Variants in MYBPC3 observed in about 807,000 individuals in gnomAD.
The protein encoded by MYBPC3 is myosin binding protein C3.
In MYBPC3, 108 loss-of-function variants were observed where a neutral mutation model predicts 159.3. The observed-to-expected ratio is 0.68, with a 90% CI of 0.58 to 0.80. The LOEUF (loss-of-function observed/expected upper bound fraction) is 0.80, where lower values mean the gene tolerates loss of function less well. Ranked by LOEUF, MYBPC3 falls within the 30% of genes least tolerant of loss-of-function variation. The pLI, the probability that MYBPC3 is intolerant of heterozygous loss-of-function variation, is 0.00. For missense variants in MYBPC3, 1,631 were observed against 1,762.1 expected (o/e 0.93, Z 1.33); for synonymous variants, 730 against 702.0 (o/e 1.04, Z -0.63).
rs1385404452 is a variant in MYBPC3 at position 47,346,696 on chromosome 11, G to A, written c.909-52C>T. 1 of 1,554,156 alleles carries A rather than the reference G, an allele frequency of 6.4e-7. No homozygotes were observed. Among genetic ancestry groups the A allele is most frequent in the Admixed American group, 1.9e-5 (1 of 51,914 alleles). On this transcript the variant is annotated intron_variant, in intron 10 of 34. Coordinates refer to ENST00000545968, the MANE Select transcript of MYBPC3 (RefSeq NM_000256.3). The surrounding 1 kb of genome is among the most constrained non-coding windows in gnomAD (Gnocchi z 5.3). ...AGGGTAGGTGGCACATGAGAGGTAT[G>A]GCCACCTTCCCTCAAAGACCTGGAC... is the stretch of plus-strand genomic sequence containing the variant.
At chr11:47,350,259 G>A in intron 3 of MYBPC3, 147 bp from the exon 4 acceptor site, 1 of 1,175,032 alleles carries the variant, frequency 8.5e-7, no homozygotes, top group Non-Finnish European at 1.2e-6. Flanking sequence ...AAGTTAGCTG[G>A]GACCGCAGGT....
chr11:47,337,535 G>A lies in MYBPC3; in HGVS notation c.2458C>T (p.Arg820Trp), dbSNP rs775404728. 3.7e-6 allele frequency: 6 copies of A among 1,613,964 alleles called. No individual in the cohort carries two copies. Among genetic ancestry groups the A allele is most frequent in the Admixed American group, 1.7e-5 (1 of 60,016 alleles). Residue 820 changes from arginine to tryptophan, a missense_variant, in exon 25 of 35, where the codon CGG becomes TGG. Coordinates refer to ENST00000545968, the MANE Select transcript of MYBPC3 (RefSeq NM_000256.3). ...TCCTGAATCAGGTCGAAGTTCAGCC[G>A]CATCCACCGGTAGCTCTTCTTCTTC... ...RKKKKSYRWMRLNFDLIQELS... is the reference protein window; with the variant it reads ...RKKKKSYRWMWLNFDLIQELS...
chr11:47,348,286 G>T, intron 6 of MYBPC3, 138 bp downstream of exon 6: 1 of 677,236 alleles, frequency 1.5e-6, no homozygotes, highest in Non-Finnish European at 2.5e-6. Flanking sequence ...CTCACACCCT[G>T]TGTGTGCAGC....
chr11:47,333,336 G>A lies in MYBPC3; in HGVS notation c.3191-3C>T, dbSNP rs1064793891. On this transcript the variant is annotated splice_region_variant and splice_polypyrimidine_tract_variant and intron_variant, in intron 29 of 34. Transcript: ENST00000545968. ...ATCCTGGGGAGGACTTGGCTTGTCT[G>A]CGGGAGACAGACCCAGTTGGGTCAC... The A allele has an allele frequency of 6.4e-7, 1 of 1,565,346 alleles. No individual in the cohort carries two copies. The highest frequency in any genetic ancestry group is 1.2e-5 in the South Asian group (1 of 85,290).
At position 47,347,644 on chromosome 11, in the gene MYBPC3, G is replaced by A; in HGVS notation, c.851+7C>T. On this transcript the variant is annotated splice_region_variant and intron_variant, in intron 8 of 34. Transcript: ENST00000545968. ...GATGGTGCAGGTAGGGCCTGGGGCA[G>A]GGGTACCTGATCCGCCGACCACCTC... is the stretch of plus-strand genomic sequence containing the variant. 6.4e-7 allele frequency: 1 copy of A among 1,574,510 alleles called. No individual in the cohort carries two copies. Among genetic ancestry groups the A allele is most frequent in the Non-Finnish European group, 8.6e-7 (1 of 1,160,128 alleles).
At chr11:47,344,675 T>C (rs542142386) in intron 12 of MYBPC3, among the ~76,000 whole-genome samples, 1 of 152,356 alleles carries the variant, frequency 6.6e-6, no homozygotes, top group East Asian at 1.9e-4. Flanking sequence ...CCTTAAACCC[T>C]CTGTGCCTCG....
At chr11:47,334,856 C>A (rs1473063632) in intron 27 of MYBPC3, among the ~76,000 whole-genome samples, 186 bp downstream of exon 27, 1 of 152,210 alleles carries the variant, frequency 6.6e-6, no homozygotes, top group African/African-American at 2.4e-5. Flanking sequence ...AGCCACTGTG[C>A]CTGGCCACCC....
intron 25 of MYBPC3, among the ~76,000 whole-genome samples, 161 bp from the exon 26 acceptor site, chr11:47,336,172 T>C (rs1025048724): frequency 6.6e-6 from 1 of 152,082 alleles, no homozygotes; most frequent in Non-Finnish European, 1.5e-5. Flanking sequence ...ACAAGACATG[T>C]CTGTAGATTG....
At chr11:47,350,760 G>A in intron 2 of MYBPC3, 145 bp from the exon 3 acceptor site, 1 of 1,294,090 alleles carries the variant, frequency 7.7e-7, no homozygotes, top group East Asian at 3.0e-5. Context: ...GCCCCTCAGA[G>A]GCAGCTCATG....
At chr11:47,344,671 A>G (rs1024832248) in intron 12 of MYBPC3, among the ~76,000 whole-genome samples, 6 of 151,626 alleles carry the variant, frequency 4.0e-5, no homozygotes, top group African/African-American at 1.5e-4. Context: ...AGTTCCTTAA[A>G]CCCTCTGTGC....
intron 7 of MYBPC3, 78 bp from the exon 8 acceptor site, chr11:47,347,758 G>GCC (rs2095895823): frequency 8.4e-6 from 13 of 1,546,148 alleles, no homozygotes; most frequent in Non-Finnish European, 1.0e-5. Context: ...CTTCAGCTCC[G>GCC]CCCCGCAAAT....
At chr11:47,335,713 T>C (rs970793398) in intron 26 of MYBPC3, 164 bp downstream of exon 26, 4 of 583,086 alleles carry the variant, frequency 6.9e-6, no homozygotes, top group South Asian at 3.3e-5. Flanking sequence ...TGTTTTTCAC[T>C]AGGCAAGCTT....
Position 47,347,661 on chromosome 11 carries a change from G to A in MYBPC3, c.841C>T (p.Arg281Trp), listed in dbSNP as rs371711564. 15 of 1,574,358 alleles carry A rather than the reference G, an allele frequency of 9.5e-6. No homozygotes were observed. The highest frequency in any genetic ancestry group is 1.8e-4 in the Middle Eastern group (1 of 5,692). ...FRRTSLAGGG[R>W]RISDSHEDTG... is the part of the protein sequence containing the mutation. ...CTGGGGCAGGGGTACCTGATCCGCC[G>A]ACCACCTCCAGCCAGGCTCCTGTGG... The change falls in exon 8 of 35, where the codon CGG becomes TGG. Residue 281 changes from arginine (R) to tryptophan (W), a missense_variant. Transcript: ENST00000545968.
intron 26 of MYBPC3, 148 bp from the exon 27 acceptor site, chr11:47,335,357 C>T (rs758983164): frequency 1.5e-5 from 11 of 749,302 alleles, no homozygotes; most frequent in Middle Eastern, 4.1e-4. Context: ...GATGGAGTTT[C>T]GCTCTTGTCT....
rs371889003 is a variant in MYBPC3 at position 47,337,676 on chromosome 11, G to A, written c.2413+14C>T. ...TGGCGCCCTCACACCTCCATCCGGTGCCCTTGCACTCACCCAGGATGGGCT... is the reference window on the plus strand; with the variant it reads ...TGGCGCCCTCACACCTCCATCCGGTACCCTTGCACTCACCCAGGATGGGCT... On this transcript the variant is annotated intron_variant, in intron 24 of 34. Coordinates refer to ENST00000545968, the MANE Select transcript of MYBPC3 (RefSeq NM_000256.3). 12 of 1,592,112 alleles carry A rather than the reference G, an allele frequency of 7.5e-6. No homozygotes were observed. In the African/African-American group the frequency reaches 1.5e-4, roughly 20 times the overall value.
Position 47,342,148 on chromosome 11 carries a change from G to T in MYBPC3, c.1633C>A (p.Leu545Met), listed in dbSNP as rs377163678. ...LAELIVQEKK[L>M]EVYQSIADLM... ...TCTGCGATGCTCTGGTACACCTCCA[G>T]CTTCTTTTCTGCAGGGCAGGGCAGA... The change falls in exon 18 of 35, where the codon CTG (leucine) becomes ATG (methionine). Residue 545 changes from leucine to methionine, a missense_variant. Coordinates refer to ENST00000545968, the MANE Select transcript of MYBPC3 (RefSeq NM_000256.3). 35 of 1,613,870 alleles carry T rather than the reference G, an allele frequency of 2.2e-5. No homozygotes were observed. In the African/African-American group the frequency reaches 4.1e-4, roughly 19 times the overall value.
chr11:47,331,853 C>T lies in MYBPC3; in HGVS notation c.*18G>A, dbSNP rs763036348. 6.2e-7 allele frequency: 1 copy of T among 1,607,596 alleles called. No homozygotes were observed. The highest frequency in any genetic ancestry group is 1.3e-5 in the African/African-American group (1 of 74,844). On this transcript the variant is annotated 3_prime_UTR_variant, in exon 34 of 35. Coordinates refer to ENST00000545968, the MANE Select transcript of MYBPC3 (RefSeq NM_000256.3). ...TGTCGGGTGGTACATACCTGGCCATCCCCAGGAGCCAGCCTGGTCACTGAG... is the reference window on the plus strand; with the variant it reads ...TGTCGGGTGGTACATACCTGGCCATTCCCAGGAGCCAGCCTGGTCACTGAG...
intron 30 of MYBPC3, 34 bp from the exon 31 acceptor site, chr11:47,333,007 GC>G: frequency 6.3e-7 from 1 of 1,592,696 alleles, no homozygotes. Context: ...GCATCTCTGG[GC>G]CAGGCCCTTC....
At position 47,350,984 on chromosome 11, in the gene MYBPC3, C is replaced by A. The variant is rs1419676663; in HGVS notation, c.292+255G>T. On this transcript the variant is annotated intron_variant, in intron 2 of 34. Coordinates refer to ENST00000545968, the MANE Select transcript of MYBPC3 (RefSeq NM_000256.3). ...AGGGTCATCTCCCCAGGGAGGTCTG[C>A]AGGGGGAGAGTGGGGTTGTGTCTTG... Among the ~76,000 whole-genome samples the A allele has an allele frequency of 2.0e-5, 3 of 152,306 alleles. No homozygotes were observed. In the East Asian group the frequency reaches 5.8e-4, roughly 29 times the overall value.
Sources: gnomAD v4.1 joint callset for allele counts (sites outside exome capture counted in the v4.1 genomes callset) on GRCh38, gnomAD v4.1.1 for gene constraint, Gnocchi (gnomAD v3.1) non-coding constraint, MANE v1.5 for transcripts, NCBI Gene and HGNC (gene_info 2026-07-23, HGNC 2026-07-21) for gene names.